TAFA1: variants seen among roughly 807,000 people sequenced by gnomAD.
TAFA1 encodes the protein chemokine-like protein TAFA-1.
Under a neutral mutation model 18.5 loss-of-function variants are expected in TAFA1, and 4 were observed. The ratio of observed to expected loss-of-function variants is 0.22; its 90% CI spans 0.11 to 0.49. The LOEUF (loss-of-function observed/expected upper bound fraction) is 0.49, where lower values mean the gene tolerates loss of function less well. TAFA1 is among the 20% of genes least tolerant of loss of function. The pLI, the probability that TAFA1 is intolerant of heterozygous loss-of-function variation, is 0.98. For missense variants in TAFA1, 147 were observed against 169.0 expected (o/e 0.87, Z 0.72); for synonymous variants, 56 against 55.2 (o/e 1.01, Z -0.06).
At chr3:68,448,829 T>C (rs945597115) in intron 3 of TAFA1, among the ~76,000 whole-genome samples, 12 of 152,228 alleles carry the variant, frequency 7.9e-5, no homozygotes, top group African/African-American at 2.7e-4. Flanking sequence ...TAAACCTCTC[T>C]TATTAGACTG....
At chr3:68,280,858 C>A (rs1429899043) in intron 2 of TAFA1, among the ~76,000 whole-genome samples, 1 of 152,076 alleles carries the variant, frequency 6.6e-6, no homozygotes, top group African/African-American at 2.4e-5. Flanking sequence ...AAGTTCAGAT[C>A]TTGGTTCTTC....
intron 2 of TAFA1, among the ~76,000 whole-genome samples, chr3:68,191,734 T>G (rs1008105472): frequency 6.6e-6 from 1 of 151,758 alleles, no homozygotes; most frequent in African/African-American, 2.4e-5. Flanking sequence ...TACAACATAT[T>G]AGGTAAACTT....
rs1004275985 is a variant in TAFA1 at position 68,086,613 on chromosome 3, T to A, written c.118+79869T>A. On this transcript the variant is annotated intron_variant, in intron 2 of 4. Transcript: ENST00000478136. ...CCATGTCTGAATTACTGGGATATTTTAAAAGTATCTTTATTCTATAATGAG... is the reference window on the plus strand; with the variant it reads ...CCATGTCTGAATTACTGGGATATTTAAAAAGTATCTTTATTCTATAATGAG... Among the ~76,000 whole-genome samples, 19 of 152,358 alleles carry A rather than the reference T, an allele frequency of 1.2e-4. No individual in the cohort carries two copies. In the South Asian group the frequency reaches 2.7e-3, roughly 22 times the overall value.
intron 3 of TAFA1, among the ~76,000 whole-genome samples, chr3:68,531,220 C>T (rs1464507503): frequency 6.6e-6 from 1 of 152,060 alleles, no homozygotes; most frequent in Non-Finnish European, 1.5e-5. Flanking sequence ...GCAGCGTATC[C>T]ATGTGGGTCT....
At chr3:68,318,226 T>A (rs999655214) in intron 2 of TAFA1, among the ~76,000 whole-genome samples, 2 of 152,208 alleles carry the variant, frequency 1.3e-5, no homozygotes, top group Non-Finnish European at 1.5e-5. Flanking sequence ...AGGCAAATTG[T>A]GCCCTTCTAA....
intron 2 of TAFA1, among the ~76,000 whole-genome samples, chr3:68,119,403 C>G (rs565971895): frequency 6.6e-6 from 1 of 151,798 alleles, no homozygotes; most frequent in South Asian, 2.1e-4. Context: ...TCTAATTTAT[C>G]TACTTTTGCT....
chr3:68,182,873 G>T (rs916019463), intron 2 of TAFA1, among the ~76,000 whole-genome samples: 1 of 152,038 alleles, frequency 6.6e-6, no homozygotes, highest in African/African-American at 2.4e-5. Context: ...TGCATATGGT[G>T]GTGATAAGAA....
At chr3:68,423,992 G>C (rs1407841546) in intron 3 of TAFA1, among the ~76,000 whole-genome samples, 1 of 151,942 alleles carries the variant, frequency 6.6e-6, no homozygotes, top group Admixed American at 6.6e-5. Flanking sequence ...ACCAGCAAGA[G>C]AAAGTGTTAA....
At chr3:68,213,544 A>G (rs1190863843) in intron 2 of TAFA1, among the ~76,000 whole-genome samples, 3 of 152,076 alleles carry the variant, frequency 2.0e-5, no homozygotes, top group Admixed American at 6.6e-5. Context: ...TCTTCCCCCA[A>G]GCTCCCTGTG....
At chr3:68,207,464 G>C (rs1042354594) in intron 2 of TAFA1, among the ~76,000 whole-genome samples, 1 of 151,868 alleles carries the variant, frequency 6.6e-6, no homozygotes, top group Admixed American at 6.6e-5. Flanking sequence ...TGTTAGTGAA[G>C]TGAGAAACTT....
At chr3:68,486,686 G>A (rs1177729902) in intron 3 of TAFA1, among the ~76,000 whole-genome samples, 1 of 152,050 alleles carries the variant, frequency 6.6e-6, no homozygotes, top group African/African-American at 2.4e-5. Flanking sequence ...ACGACCTCTG[G>A]GTCTGCGAAA....
chr3:68,246,194 G>T (rs1269525095), intron 2 of TAFA1, among the ~76,000 whole-genome samples: 12 of 152,098 alleles, frequency 7.9e-5, no homozygotes, highest in Admixed American at 7.9e-4. Flanking sequence ...CCTCCCAGGG[G>T]TCCCAACCAT....
At chr3:68,204,197 C>T (rs1449499297) in intron 2 of TAFA1, among the ~76,000 whole-genome samples, 1 of 151,716 alleles carries the variant, frequency 6.6e-6, no homozygotes, top group African/African-American at 2.4e-5. Flanking sequence ...GTGATTTTTC[C>T]ATTCGTTGAG....
In TAFA1 at chr3:68,539,132, G is replaced by A. The variant is rs545555015; in HGVS notation, c.384+252G>A. The stretch of plus-strand genomic sequence containing the variant: ...ATTAAGTTGGGTTTCCAGCCAGAGT[G>A]GAGAGGAATCATGAGGTAATTATTC... On this transcript the variant is annotated intron_variant, in intron 4 of 4. Transcript: ENST00000478136. Among the ~76,000 whole-genome samples, 5 of 152,302 alleles carry A rather than the reference G, an allele frequency of 3.3e-5. No individual in the cohort carries two copies. The East Asian group carries it at 7.7e-4, about 24-fold the overall frequency.
At chr3:68,299,421 T>A (rs1361309621) in intron 2 of TAFA1, among the ~76,000 whole-genome samples, 1 of 152,210 alleles carries the variant, frequency 6.6e-6, no homozygotes, top group Non-Finnish European at 1.5e-5. Context: ...GTGACTTGGG[T>A]GCTCAGTTTT....
intron 2 of TAFA1, among the ~76,000 whole-genome samples, chr3:68,013,770 T>C (rs1232767126): frequency 2.0e-5 from 3 of 152,184 alleles, no homozygotes; most frequent in Admixed American, 2.0e-4. Context: ...GGGAACTCTG[T>C]TGGCCCATTA....
At chr3:68,167,143 G>C (rs1033873680) in intron 2 of TAFA1, among the ~76,000 whole-genome samples, 4 of 152,192 alleles carry the variant, frequency 2.6e-5, no homozygotes, top group Admixed American at 1.3e-4. Context: ...GCTGGTTAGT[G>C]CTGTGGTTGG....
intron 3 of TAFA1, among the ~76,000 whole-genome samples, chr3:68,435,585 A>G (rs1410037009): frequency 1.3e-5 from 2 of 152,208 alleles, no homozygotes; most frequent in Non-Finnish European, 2.9e-5. Flanking sequence ...CAGAAAGGAA[A>G]CAGGTCCATT....
At chr3:68,177,100 A>G (rs570863520) in intron 2 of TAFA1, among the ~76,000 whole-genome samples, 17 of 152,302 alleles carry the variant, frequency 1.1e-4, no homozygotes, top group African/African-American at 3.1e-4. Flanking sequence ...TATTCTATGA[A>G]TGAGGACAAA....
Sources: allele counts gnomAD v4.1 joint callset (sites outside exome capture counted in the v4.1 genomes callset), GRCh38; gene constraint gnomAD v4.1.1; transcripts MANE v1.5; gene names NCBI Gene and HGNC (gene_info 2026-07-23, HGNC 2026-07-21).